NEMP1: variants seen among roughly 807,000 people sequenced by gnomAD.
NEMP1 encodes nuclear envelope integral membrane protein 1.
A neutral mutation model predicts 53.7 loss-of-function variants in NEMP1; 29 were observed. The observed-to-expected ratio is 0.54, with a 90% CI of 0.40 to 0.74. The LOEUF (loss-of-function observed/expected upper bound fraction) is 0.74. NEMP1 is among the 30% of genes least tolerant of loss of function. The pLI is 0.00. For synonymous variants in NEMP1, 193 were observed against 192.9 expected (o/e 1.00, Z 0.00); for missense variants, 477 against 528.6 (o/e 0.90, Z 0.96).
At chr12:57,082,408 T>C (rs76141258), upstream of NEMP1, among the ~76,000 whole-genome samples, 813 of 152,338 alleles carry the variant, frequency 5.3e-3, 8 homozygotes, top group African/African-American at 0.019. Context: ...TTTCTGTACA[T>C]GTAATGTTTC....
At chr12:57,064,020 C>T (rs1476127727) in intron 6 of NEMP1, 51 bp downstream of exon 6, 4 of 1,097,488 alleles carry the variant, frequency 3.6e-6, no homozygotes, top group Non-Finnish European at 5.3e-6. Flanking sequence ...ATCAAATTAA[C>T]TGAAACAGCC....
At chr12:57,075,592 G>A (rs1449962943) in intron 1 of NEMP1, among the ~76,000 whole-genome samples, 3 of 151,364 alleles carry the variant, frequency 2.0e-5, no homozygotes, top group Non-Finnish European at 4.4e-5. Flanking sequence ...GGGAAGCCAA[G>A]GTGAGGGGAT....
At position 57,078,689 on chromosome 12, in the gene NEMP1, G is replaced by T; in HGVS notation, c.57C>A (p.Gly19=). The change falls in exon 1 of 9, where the codon GGC becomes GGA. Residue 19 remains glycine, a synonymous_variant. Transcript: ENST00000300128. ...VSPAVGPGPW[G]SGVGGGGTVR... ...CTGTCCCACCGCCCCCGACTCCCGAGCCCCAGGGCCCGGGACCAACTGCCG... is the reference window on the plus strand; with the variant it reads ...CTGTCCCACCGCCCCCGACTCCCGATCCCCAGGGCCCGGGACCAACTGCCG... 1 of 1,613,484 alleles carries T rather than the reference G, an allele frequency of 6.2e-7. No homozygotes were observed. The highest frequency in any genetic ancestry group is 8.5e-7 in the Non-Finnish European group (1 of 1,179,720).
intron 1 of NEMP1, among the ~76,000 whole-genome samples, chr12:57,086,522 A>C (rs1448495862): frequency 1.4e-5 from 1 of 72,500 alleles, no homozygotes; most frequent in African/African-American, 6.6e-5. Flanking sequence ...CCTTTTTGTC[A>C]CCACTCCCCC....
chr12:57,070,938 T>C, intron 2 of NEMP1, 45 bp from the exon 3 acceptor site: 8 of 1,511,636 alleles, frequency 5.3e-6, no homozygotes, highest in Non-Finnish European at 6.3e-6. Flanking sequence ...GAAGTAGGAA[T>C]TTTAATTTTT....
rs2031764420 is a variant in NEMP1, at chr12:57,060,843, C to T, written c.1083G>A (p.Glu361=). 1 of 1,614,132 alleles carries T rather than the reference C, an allele frequency of 6.2e-7. No individual in the cohort carries two copies. Among genetic ancestry groups the T allele is most frequent in the Admixed American group, 1.7e-5 (1 of 60,002 alleles). ...GEVETRKALE[E]LREFCNSPDC... ...CTGGACTGTTACAAAATTCTCGGAG[C>T]TCCTCTAAAGCCTTTCGGGTTTCTA... Residue 361 remains glutamate (E), a synonymous_variant, in exon 8 of 9, where the codon GAG becomes GAA. Coordinates refer to ENST00000300128, the MANE Select transcript of NEMP1 (RefSeq NM_001130963.2).
At chr12:57,062,168 C>T (rs1251320043) in intron 7 of NEMP1, among the ~76,000 whole-genome samples, 3 of 152,160 alleles carry the variant, frequency 2.0e-5, no homozygotes, top group Non-Finnish European at 4.4e-5. Context: ...CCAGAGCAAT[C>T]TGAAAGCCAC....
At chr12:57,064,306 A>C in intron 5 of NEMP1, 121 bp from the exon 6 acceptor site, 1 of 616,218 alleles carries the variant, frequency 1.6e-6, no homozygotes. Flanking sequence ...TGCACAAAAA[A>C]CACTTCTCTT....
chr12:57,066,654 AC>A (rs1237742431), intron 4 of NEMP1, among the ~76,000 whole-genome samples: 1 of 152,182 alleles, frequency 6.6e-6, no homozygotes, highest in Non-Finnish European at 1.5e-5. Context: ...TTGTTAGAAC[AC>A]CCATGACATT....
Position 57,064,682 on chromosome 12 carries a change from T to C in NEMP1, c.603A>G (p.Leu201=). 6.2e-7 allele frequency: 1 copy of C among 1,612,954 alleles called. No homozygotes were observed. The highest frequency in any genetic ancestry group is 8.5e-7 in the Non-Finnish European group (1 of 1,179,482). Residue 201 remains leucine, a synonymous_variant, in exon 5 of 9, where the codon CTA becomes CTG. Transcript: ENST00000300128. ...ACTTAGATAGTATAAAAATGATGAT[T>C]AGCAGAGAGGCCACAATTCCCACAG... ...GMTVGIVASL[L]IIIFILSKFM... is the part of the protein sequence containing the mutation.
chr12:57,066,252 C>A (rs948914336), intron 4 of NEMP1, among the ~76,000 whole-genome samples: 1 of 152,124 alleles, frequency 6.6e-6, no homozygotes, highest in South Asian at 2.1e-4. Flanking sequence ...AAGACTCTGT[C>A]TCAAAAAAAC....
At chr12:57,073,879 T>C (rs907868551) in intron 1 of NEMP1, among the ~76,000 whole-genome samples, 1 of 152,222 alleles carries the variant, frequency 6.6e-6, no homozygotes, top group African/African-American at 2.4e-5. Context: ...TCCTGTCCTA[T>C]AAAGGAATAA....
In NEMP1 at chr12:57,057,346, T is replaced by A. The variant is rs1420444033; in HGVS notation, c.*2533A>T. The A allele has an allele frequency of 6.6e-6, 1 of 152,210 alleles. No homozygotes were observed. Among genetic ancestry groups the A allele is most frequent in the Non-Finnish European group, 1.5e-5 (1 of 68,034 alleles). The allele number at this position is 152,210 out of a possible 1,614,324, so 9.4% of individuals were successfully genotyped here. ...TTCTTGATGAGATTGGTCTGAGAGA[T>A]GAGACTGTACTGAAATCACAAGAGC... On this transcript the variant is annotated 3_prime_UTR_variant, in exon 9 of 9. Transcript: ENST00000300128.
Position 57,059,740 on chromosome 12 carries a change from T to G in NEMP1, c.*139A>C. 5 of 746,360 alleles carry G rather than the reference T, an allele frequency of 6.7e-6. No individual in the cohort carries two copies. Among genetic ancestry groups the G allele is most frequent in the Non-Finnish European group, 1.0e-5 (5 of 476,236 alleles). The allele number at this position is 746,360 out of a possible 1,614,324, so 46.2% of individuals were successfully genotyped here. A position where few individuals can be genotyped will look rare whatever the true frequency, so the allele number is the denominator to read the frequency against. On this transcript the variant is annotated 3_prime_UTR_variant, in exon 9 of 9. Coordinates refer to ENST00000300128, the MANE Select transcript of NEMP1 (RefSeq NM_001130963.2). The stretch of plus-strand genomic sequence containing the variant: ...ACCTCCCATTTCCAAAGGGAGGCCT[T>G]TTTAGGCCTCTTATTTCAGTAGGAG...
intron 1 of NEMP1, among the ~76,000 whole-genome samples, chr12:57,074,810 G>A (rs1216822598): frequency 3.3e-5 from 5 of 152,126 alleles, no homozygotes; most frequent in African/African-American, 9.7e-5. Flanking sequence ...CTGTCCAGCC[G>A]GGCATGGTGG....
In NEMP1 at chr12:57,070,705, C is replaced by T; in HGVS notation, c.441G>A (p.Lys147=). ...TCACAATGACACTGTACTTGGTGTC[C>T]TTCTCTATAATCTCAACTTTGAGGC... The part of the protein sequence containing the change: ...KTCLKVEIIE[K]DTKYSVIVIR... The change falls in exon 3 of 9, where the codon AAG becomes AAA. Residue 147 remains lysine, a synonymous_variant. Transcript: ENST00000300128. 1 of 1,556,860 alleles carries T rather than the reference C, an allele frequency of 6.4e-7. No homozygotes were observed. Among genetic ancestry groups the T allele is most frequent in the Non-Finnish European group, 8.7e-7 (1 of 1,149,366 alleles).
intron 2 of NEMP1, 103 bp downstream of exon 2, chr12:57,072,685 A>C (rs928499221): frequency 7.8e-7 from 1 of 1,286,518 alleles, no homozygotes; most frequent in African/African-American, 1.5e-5. Context: ...TGTTAACAAC[A>C]TTTTTTTTAA....
At chr12:57,076,287 G>A (rs1305373040) in intron 1 of NEMP1, among the ~76,000 whole-genome samples, 4 of 152,126 alleles carry the variant, frequency 2.6e-5, no homozygotes, top group African/African-American at 4.8e-5. Flanking sequence ...TACTTGGGGA[G>A]ACCGAGGTGG....
At chr12:57,067,679 G>T (rs192432886) in intron 4 of NEMP1, among the ~76,000 whole-genome samples, 1 of 152,224 alleles carries the variant, frequency 6.6e-6, no homozygotes, top group African/African-American at 2.4e-5. Context: ...CTGATGCTAT[G>T]TAGTTACTGC....
Sources: allele counts gnomAD v4.1 joint callset (sites outside exome capture counted in the v4.1 genomes callset), GRCh38; gene constraint gnomAD v4.1.1; transcripts MANE v1.5; gene names NCBI Gene and HGNC (gene_info 2026-07-23, HGNC 2026-07-21).